KIF26B: variants seen among roughly 807,000 people sequenced by gnomAD.
KIF26B encodes kinesin-like protein KIF26B.
In KIF26B, 63 loss-of-function variants were observed where a neutral mutation model predicts 151.2. The observed-to-expected ratio is 0.42, with a 90% confidence interval of 0.34 to 0.51. The LOEUF is 0.51. Among genes scored for constraint, KIF26B ranks in the 20% least tolerant of loss-of-function variants. KIF26B has a pLI of 0.07. For missense variants in KIF26B, 2,813 were observed against 2,913.6 expected (o/e 0.97, Z 0.79); for synonymous variants, 1,357 against 1,262.1 (o/e 1.08, Z -1.59).
chr1:245,446,238 G>C (rs772199575), intron 4 of KIF26B, among the ~76,000 whole-genome samples: 6 of 152,162 alleles, frequency 3.9e-5, no homozygotes, highest in Non-Finnish European at 7.4e-5. Flanking sequence ...GAACATATAT[G>C]AACATAAAGA....
At chr1:245,162,375 C>CTTTTTTTTT (rs138853411) in intron 2 of KIF26B, among the ~76,000 whole-genome samples, 18 of 76,532 alleles carry the variant, frequency 2.4e-4, no homozygotes, top group African/African-American at 9.2e-4. Flanking sequence ...TCAGAAATAT[C>CTTTTTTTTT]TTTTTTTTTT....
chr1:245,390,420 T>G (rs1017183035), intron 3 of KIF26B, among the ~76,000 whole-genome samples: 1 of 152,104 alleles, frequency 6.6e-6, no homozygotes, highest in East Asian at 1.9e-4. Context: ...GGTTTCACCA[T>G]GTTGGCCAGG....
intron 10 of KIF26B, among the ~76,000 whole-genome samples, chr1:245,659,189 G>A (rs1021034476): frequency 6.6e-6 from 1 of 152,148 alleles, no homozygotes; most frequent in African/African-American, 2.4e-5. Context: ...AGTCAGCTAT[G>A]ATCATGCCAC....
At chr1:245,281,796 G>A in intron 2 of KIF26B, among the ~76,000 whole-genome samples, 1 of 151,920 alleles carries the variant, frequency 6.6e-6, no homozygotes, top group Non-Finnish European at 1.5e-5. Flanking sequence ...GTGTAAGGAA[G>A]GGATCCAGTT....
rs537585340 is a variant in KIF26B, at chr1:245,547,157, G to C, written c.1350+6207G>C. 3.3e-5 allele frequency among the ~76,000 whole-genome samples: 5 copies of C among 152,356 alleles called. No individual in the cohort carries two copies. The South Asian group carries it at 1.0e-3, about 32-fold the overall frequency. ...TCTGGGGCAAACCTGAAAGACCTCA[G>C]ACACAGGGGCTTTCTTCTATGCCAT... On this transcript the variant is annotated intron_variant, in intron 5 of 14. Transcript: ENST00000407071.
intron 4 of KIF26B, among the ~76,000 whole-genome samples, chr1:245,501,311 G>A (rs538738426): frequency 8.5e-5 from 13 of 152,288 alleles, no homozygotes; most frequent in African/African-American, 2.6e-4. Flanking sequence ...ATAGTGTTGC[G>A]GATGTCACAG....
chr1:245,395,967 T>C (rs1673827904), intron 3 of KIF26B, among the ~76,000 whole-genome samples: 1 of 152,206 alleles, frequency 6.6e-6, no homozygotes, highest in East Asian at 1.9e-4. Context: ...GCGATGGTGT[T>C]GTAAAAAATT....
chr1:245,171,007 A>G lies in KIF26B; in HGVS notation c.465+14324A>G, dbSNP rs183713800. 9.7e-3 allele frequency among the ~76,000 whole-genome samples: 1,477 copies of G among 152,352 alleles called. 13 individuals carry two copies. Among genetic ancestry groups the G allele is most frequent in the Non-Finnish European group, 0.017 (1,148 of 68,030 alleles). ...ATGGAGTTGGGCATGAGAATAAGAA[A>G]GAAATCTCCCTTTAAAGGCTTTGGA... On this transcript the variant is annotated intron_variant, in intron 2 of 14. Transcript: ENST00000407071.
At chr1:245,213,044 G>A (rs1369078193) in intron 2 of KIF26B, among the ~76,000 whole-genome samples, 1 of 152,182 alleles carries the variant, frequency 6.6e-6, no homozygotes, top group East Asian at 1.9e-4. Flanking sequence ...GGCTTTCCAA[G>A]GGGGGAGCAA....
chr1:245,663,575 T>C (rs1170900593), intron 10 of KIF26B, among the ~76,000 whole-genome samples: 1 of 152,186 alleles, frequency 6.6e-6, no homozygotes, highest in Non-Finnish European at 1.5e-5. Context: ...TTCACTGGCA[T>C]TTTATTTGTG....
intron 9 of KIF26B, among the ~76,000 whole-genome samples, chr1:245,636,408 A>AT (rs1366817527): frequency 6.6e-6 from 1 of 151,644 alleles, no homozygotes; most frequent in East Asian, 1.9e-4. Flanking sequence ...GCATTTTTAA[A>AT]TTGTGTGTCA....
intron 4 of KIF26B, among the ~76,000 whole-genome samples, chr1:245,490,413 G>C (rs1350026031): frequency 6.7e-6 from 1 of 149,464 alleles, no homozygotes; most frequent in Non-Finnish European, 1.5e-5. Context: ...CCGGGTTCAA[G>C]TGATTCTCCT....
At chr1:245,681,219 T>TTA (rs1298848555) in intron 10 of KIF26B, among the ~76,000 whole-genome samples, 1 of 121,500 alleles carries the variant, frequency 8.2e-6, no homozygotes, top group Non-Finnish European at 2.0e-5. Context: ...TTTTCTTTTT[T>TTA]TTTTTTTTGA....
At chr1:245,482,174 C>T (rs898249749) in intron 4 of KIF26B, among the ~76,000 whole-genome samples, 2 of 151,958 alleles carry the variant, frequency 1.3e-5, no homozygotes, top group Middle Eastern at 6.8e-3. Context: ...TCCCTGCAAC[C>T]TCTGCCTCCT....
At chr1:245,690,916 G>A (rs950711485) in intron 12 of KIF26B, among the ~76,000 whole-genome samples, 21 of 152,206 alleles carry the variant, frequency 1.4e-4, no homozygotes, top group Admixed American at 4.6e-4. Flanking sequence ...GCATTGAAAC[G>A]TATTGATGAG....
chr1:245,389,274 C>T lies in KIF26B; in HGVS notation c.999+21907C>T, dbSNP rs972355932. 1.1e-4 allele frequency among the ~76,000 whole-genome samples: 16 copies of T among 152,036 alleles called. 1 individual carries two copies. Among genetic ancestry groups the T allele is most frequent in the African/African-American group, 2.7e-4 (11 of 41,404 alleles). ...GATTACAGGCATGCACCATCATGCC[C>T]GGCTAATTTTGTATTTTTAGTAGAG... On this transcript the variant is annotated intron_variant, in intron 3 of 14. Transcript: ENST00000407071.
intron 2 of KIF26B, among the ~76,000 whole-genome samples, chr1:245,157,313 C>T (rs1172906341): frequency 6.6e-6 from 1 of 152,112 alleles, no homozygotes; most frequent in African/African-American, 2.4e-5. Context: ...TGTGACTGGC[C>T]CGAGCCCCCA....
chr1:245,255,641 G>A (rs1268416257), intron 2 of KIF26B, among the ~76,000 whole-genome samples: 1 of 152,194 alleles, frequency 6.6e-6, no homozygotes, highest in Non-Finnish European at 1.5e-5. Flanking sequence ...AGATCCAGAA[G>A]GCAGTGCTGC....
intron 3 of KIF26B, among the ~76,000 whole-genome samples, chr1:245,413,811 A>G (rs1253254514): frequency 1.3e-5 from 2 of 152,038 alleles, no homozygotes; most frequent in Middle Eastern, 3.4e-3. Flanking sequence ...TGAAGGGGAG[A>G]GTGGAGGGAG....
Sources: gnomAD v4.1 joint callset for allele counts (sites outside exome capture counted in the v4.1 genomes callset) on GRCh38, gnomAD v4.1.1 for gene constraint, MANE v1.5 for transcripts, NCBI Gene and HGNC (gene_info 2026-07-23, HGNC 2026-07-21) for gene names.